RPTOR: variants seen among roughly 807,000 people sequenced by gnomAD.
The protein encoded by RPTOR is regulatory-associated protein of mTOR.
In RPTOR, 21 loss-of-function variants were observed where a neutral mutation model predicts 169.9. That is an observed-to-expected ratio of 0.12 (90% confidence interval 0.09 to 0.18). RPTOR has a LOEUF of 0.18. Among genes scored for constraint, RPTOR ranks in the 10% least tolerant of loss-of-function variants. The pLI, the probability that RPTOR is intolerant of heterozygous loss-of-function variation, is 1.00. For synonymous variants in RPTOR, 732 were observed against 753.2 expected, an observed-to-expected ratio of 0.97 and a Z score of 0.46; for missense variants, 1,133 against 1,855.9, an observed-to-expected ratio of 0.61 and a Z score of 7.16.
intron 24 of RPTOR, among the ~76,000 whole-genome samples, chr17:80,935,666 TA>T (rs1050427749): frequency 6.6e-6 from 1 of 151,900 alleles, no homozygotes; most frequent in East Asian, 1.9e-4. Flanking sequence ...TCAAAAAAAA[TA>T]AAAAGAAGAA....
rs1327728845 is a variant in RPTOR, at chr17:80,803,892, G to A, written c.890+12383G>A. 4.6e-5 allele frequency among the ~76,000 whole-genome samples: 7 copies of A among 152,230 alleles called. No individual in the cohort carries two copies. Among genetic ancestry groups the A allele is most frequent in the Non-Finnish European group, 7.3e-5 (5 of 68,048 alleles). On this transcript the variant is annotated intron_variant, in intron 7 of 33. Coordinates refer to ENST00000306801, the MANE Select transcript of RPTOR (RefSeq NM_020761.3). This position sits in a 1 kb window ranked among gnomAD's most constrained non-coding sequence, Gnocchi z 6.2. ...TGGAACTGAGACCACCTGGCCAGAC[G>A]GGAGCAGCCATGCCGGGACCAGGGG...
intron 3 of RPTOR, among the ~76,000 whole-genome samples, chr17:80,685,645 T>A (rs574301049): frequency 1.9e-4 from 14 of 73,826 alleles, no homozygotes; most frequent in East Asian, 5.6e-4. Context: ...TTTTTTTTTT[T>A]TTTTTTTTTT....
At chr17:80,697,935 T>C (rs948192060) in intron 3 of RPTOR, among the ~76,000 whole-genome samples, 4 of 151,918 alleles carry the variant, frequency 2.6e-5, no homozygotes, top group African/African-American at 9.7e-5. Flanking sequence ...CACATTCCTG[T>C]GACCCACTGG....
At chr17:80,941,583 C>A (rs1310255938) in intron 25 of RPTOR, among the ~76,000 whole-genome samples, 1 of 152,256 alleles carries the variant, frequency 6.6e-6, no homozygotes, top group Non-Finnish European at 1.5e-5. Flanking sequence ...GGCTGGGGGA[C>A]CTCAAGCTGC....
rs565186822 is a variant in RPTOR at position 80,552,459 on chromosome 17, T to C, written c.162+6668T>C. On this transcript the variant is annotated intron_variant, in intron 1 of 33. Transcript: ENST00000306801. ...CAGCCACCCTGTCACTCATAAACCC[T>C]CCTGATGGCTATTTATTTCTCTGAT... Among the ~76,000 whole-genome samples the C allele has an allele frequency of 2.0e-5, 3 of 152,258 alleles. No individual in the cohort carries two copies. In the South Asian group the frequency reaches 6.2e-4, roughly 32 times the overall value.
intron 6 of RPTOR, among the ~76,000 whole-genome samples, chr17:80,779,125 C>T (rs1390634097): frequency 1.3e-5 from 2 of 152,224 alleles, no homozygotes; most frequent in African/African-American, 4.8e-5. Context: ...CATGGCTGTC[C>T]TCAGCCTCAT....
rs147294547 is a variant in RPTOR, at chr17:80,549,254, A to G, written c.162+3463A>G. ...TGTATAGTGAATGAGGCATATATGT[A>G]TCCATAGTGTTTTTAGCTTGCAATT... On this transcript the variant is annotated intron_variant, in intron 1 of 33. Transcript: ENST00000306801. 9.6e-3 allele frequency among the ~76,000 whole-genome samples: 1,469 copies of G among 152,338 alleles called. 16 individuals are homozygous for G. The highest frequency in any genetic ancestry group is 0.044 in the Middle Eastern group (13 of 294).
intron 7 of RPTOR, among the ~76,000 whole-genome samples, chr17:80,816,584 C>T (rs575588812): frequency 3.9e-5 from 6 of 152,142 alleles, no homozygotes; most frequent in East Asian, 1.9e-4. Flanking sequence ...GAGCTGGCGA[C>T]GCAGTGCTCC....
intron 1 of RPTOR, among the ~76,000 whole-genome samples, chr17:80,551,807 T>C (rs1432035208): frequency 6.6e-6 from 1 of 152,112 alleles, no homozygotes; most frequent in African/African-American, 2.4e-5. Flanking sequence ...CACGAGGCCA[T>C]ATTTCAGACT....
chr17:80,638,210 A>C (rs1038235541), intron 2 of RPTOR, among the ~76,000 whole-genome samples: 1 of 152,130 alleles, frequency 6.6e-6, no homozygotes, highest in African/African-American at 2.4e-5. Context: ...CTGAAGGAAG[A>C]GCATGAGCCC....
intron 3 of RPTOR, among the ~76,000 whole-genome samples, chr17:80,706,982 G>A (rs2066146795): frequency 6.6e-6 from 1 of 152,108 alleles, no homozygotes; most frequent in Non-Finnish European, 1.5e-5. Flanking sequence ...TGTGGCTTTC[G>A]AGATGGGGTT....
At chr17:80,934,742 G>A (rs1379082094) in intron 24 of RPTOR, among the ~76,000 whole-genome samples, 2 of 152,128 alleles carry the variant, frequency 1.3e-5, no homozygotes, top group Non-Finnish European at 2.9e-5. Context: ...CTTTAAGGAG[G>A]AAATAATACC....
chr17:80,685,143 G>T (rs1456536594), intron 3 of RPTOR, among the ~76,000 whole-genome samples: 1 of 151,974 alleles, frequency 6.6e-6, no homozygotes, highest in Non-Finnish European at 1.5e-5. Context: ...GCCTCATTCG[G>T]AGTCGCCCCT....
At chr17:80,828,147 C>T (rs183885337) in intron 9 of RPTOR, among the ~76,000 whole-genome samples, 6 of 152,286 alleles carry the variant, frequency 3.9e-5, no homozygotes, top group Admixed American at 1.3e-4. Context: ...ACTGTGCTGG[C>T]GGATCACAGC....
Position 80,668,061 on chromosome 17 carries a change from G to A in RPTOR, c.348+24251G>A, listed in dbSNP as rs75873922. On this transcript the variant is annotated intron_variant, in intron 3 of 33. Coordinates refer to ENST00000306801, the MANE Select transcript of RPTOR (RefSeq NM_020761.3). Reference sequence around the variant, plus strand: ...ACAGAGGAAACGTCTGGTTTCAGGCGCGGGCATCTAACCTGCCCTGTTCTT... The same window carrying A: ...ACAGAGGAAACGTCTGGTTTCAGGCACGGGCATCTAACCTGCCCTGTTCTT... Among the ~76,000 whole-genome samples the A allele has an allele frequency of 1.8e-3, 276 of 152,216 alleles. 1 individual carries two copies. Among genetic ancestry groups the A allele is most frequent in the African/African-American group, 6.5e-3 (268 of 41,522 alleles).
chr17:80,576,024 C>G (rs868410175), intron 1 of RPTOR, among the ~76,000 whole-genome samples: 1 of 152,216 alleles, frequency 6.6e-6, no homozygotes, highest in Admixed American at 6.5e-5. Context: ...AGGATAGTTA[C>G]ACCAGTTTTC....
At chr17:80,645,612 C>T (rs562575983) in intron 3 of RPTOR, among the ~76,000 whole-genome samples, 1 of 151,996 alleles carries the variant, frequency 6.6e-6, no homozygotes, top group African/African-American at 2.4e-5. Flanking sequence ...TTATTAGTTT[C>T]GCTTGGTAGA....
chr17:80,857,795 G>A lies in RPTOR; in HGVS notation c.1404G>A (p.Leu468=). The A allele has an allele frequency of 1.1e-5, 17 of 1,609,456 alleles. No homozygotes were observed. The highest frequency in any genetic ancestry group is 1.4e-5 in the Non-Finnish European group (16 of 1,179,476). Residue 468 remains leucine, a synonymous_variant, in exon 13 of 34, where the codon TTG becomes TTA. Coordinates refer to ENST00000306801, the MANE Select transcript of RPTOR (RefSeq NM_020761.3). ...ACGCCCTCCCTCGCCCCCAGGCCTTGTCTGTCGGCATCTTCCCCTACGTGC... is the reference window on the plus strand; with the variant it reads ...ACGCCCTCCCTCGCCCCCAGGCCTTATCTGTCGGCATCTTCCCCTACGTGC... ...DLGPWAVSLA[L]SVGIFPYVLK...
intron 24 of RPTOR, among the ~76,000 whole-genome samples, chr17:80,930,405 ATC>A (rs1337251952): frequency 5.7e-5 from 3 of 52,396 alleles, no homozygotes; most frequent in African/African-American, 1.4e-4. Flanking sequence ...TTCTCAGCTC[ATC>A]CCCAGCTCAT....
Sources: gnomAD v4.1 joint callset for allele counts (sites outside exome capture counted in the v4.1 genomes callset) on GRCh38, gnomAD v4.1.1 for gene constraint, Gnocchi (gnomAD v3.1) non-coding constraint, MANE v1.5 for transcripts, NCBI Gene and HGNC (gene_info 2026-07-23, HGNC 2026-07-21) for gene names.